Variants in AGBL4 observed in about 807,000 individuals in gnomAD.
AGBL4 encodes the protein cytosolic carboxypeptidase 6.
In AGBL4, 58 loss-of-function variants were observed where a neutral mutation model predicts 66.4. The observed-to-expected ratio is 0.87, with a 90% CI of 0.71 to 1.09. AGBL4 has a LOEUF of 1.09. Ranked by LOEUF, AGBL4 falls within the 50% of genes least tolerant of loss-of-function variation. The pLI is 0.00. For synonymous variants in AGBL4, 234 were observed against 222.9 expected (o/e 1.05, Z -0.44); for missense variants, 579 against 631.0 (o/e 0.92, Z 0.88).
At chr1:48,962,992 A>G (rs2148942639) in intron 5 of AGBL4, among the ~76,000 whole-genome samples, 1 of 149,704 alleles carries the variant, frequency 6.7e-6, no homozygotes, top group East Asian at 1.9e-4. Context: ...GGCTATCAAT[A>G]TTATTTTTAC....
At chr1:49,354,150 A>G (rs754593992) in intron 3 of AGBL4, among the ~76,000 whole-genome samples, 6 of 152,212 alleles carry the variant, frequency 3.9e-5, no homozygotes, top group Non-Finnish European at 7.3e-5. Context: ...GCTGGAGCCT[A>G]AAAGTGCTCA....
At chr1:49,407,479 A>T (rs1260852266) in intron 3 of AGBL4, among the ~76,000 whole-genome samples, 1 of 152,214 alleles carries the variant, frequency 6.6e-6, no homozygotes. Context: ...ACGTGAGCCA[A>T]TTCCTCATAA....
intron 5 of AGBL4, among the ~76,000 whole-genome samples, chr1:48,871,603 T>C (rs1405164523): frequency 6.6e-6 from 1 of 152,054 alleles, no homozygotes; most frequent in Non-Finnish European, 1.5e-5. Flanking sequence ...CTGATAAACA[T>C]GGTGCCCCAT....
At chr1:49,175,910 C>T (rs1479405104) in intron 4 of AGBL4, among the ~76,000 whole-genome samples, 12 of 149,320 alleles carry the variant, frequency 8.0e-5, no homozygotes, top group South Asian at 2.1e-4. Context: ...AGTGACAAGT[C>T]GTGGATACTG....
At chr1:49,033,841 T>A (rs10888643) in intron 5 of AGBL4, among the ~76,000 whole-genome samples, 1 of 148,498 alleles carries the variant, frequency 6.7e-6, no homozygotes, top group African/African-American at 2.5e-5. Context: ...TTTTTTTACT[T>A]CTCAGATTTT....
chr1:48,838,830 T>G, intron 6 of AGBL4, among the ~76,000 whole-genome samples: 1 of 151,920 alleles, frequency 6.6e-6, no homozygotes, highest in Non-Finnish European at 1.5e-5. Context: ...GGAACTCAAC[T>G]CAATAGCAAG....
At chr1:49,735,102 G>A (rs888794428) in intron 2 of AGBL4, among the ~76,000 whole-genome samples, 2 of 152,046 alleles carry the variant, frequency 1.3e-5, no homozygotes, top group Non-Finnish European at 2.9e-5. Context: ...CCATATTGTA[G>A]TAGGTAGAAT....
intron 3 of AGBL4, among the ~76,000 whole-genome samples, chr1:49,501,527 A>C (rs143555243): frequency 0.011 from 1,309 of 121,662 alleles, 19 homozygotes; most frequent in African/African-American, 0.031. Context: ...ATTTTATTTG[A>C]GTCTTCTCCC....
At chr1:49,356,535 T>C (rs1383884934) in intron 3 of AGBL4, among the ~76,000 whole-genome samples, 1 of 152,186 alleles carries the variant, frequency 6.6e-6, no homozygotes, top group Admixed American at 6.5e-5. Context: ...CATCTCAAAA[T>C]GTTGAAAAAT....
intron 1 of AGBL4, among the ~76,000 whole-genome samples, chr1:49,877,415 A>T (rs1438422604): frequency 6.6e-6 from 1 of 152,118 alleles, no homozygotes; most frequent in East Asian, 1.9e-4. Context: ...TATTGAGATA[A>T]TCATGTGGTT....
intron 3 of AGBL4, among the ~76,000 whole-genome samples, chr1:49,685,140 A>T (rs904538058): frequency 7.2e-5 from 11 of 152,178 alleles, no homozygotes; most frequent in African/African-American, 2.7e-4. Flanking sequence ...GCTCCCAATT[A>T]TAAGTGAGAA....
At chr1:49,825,683 A>G (rs777604139) in intron 2 of AGBL4, among the ~76,000 whole-genome samples, 2 of 152,204 alleles carry the variant, frequency 1.3e-5, no homozygotes, top group Non-Finnish European at 2.9e-5. Flanking sequence ...ACTTGAATAG[A>G]ACAAAAGACT....
At chr1:49,129,359 A>T (rs1175378543) in intron 4 of AGBL4, among the ~76,000 whole-genome samples, 1 of 151,808 alleles carries the variant, frequency 6.6e-6, no homozygotes, top group African/African-American at 2.4e-5. Flanking sequence ...CATGTGCACA[A>T]TGTGCAGGTT....
intron 2 of AGBL4, among the ~76,000 whole-genome samples, chr1:49,725,450 T>C (rs1397854476): frequency 6.6e-6 from 1 of 152,104 alleles, no homozygotes; most frequent in Non-Finnish European, 1.5e-5. Flanking sequence ...CTCAAGCTCA[T>C]AGGTTTGCAG....
At chr1:48,917,877 T>C (rs1653731556) in intron 5 of AGBL4, among the ~76,000 whole-genome samples, 1 of 152,126 alleles carries the variant, frequency 6.6e-6, no homozygotes, top group Non-Finnish European at 1.5e-5. Flanking sequence ...CTCCAGGGGA[T>C]GATTAAAAGG....
intron 1 of AGBL4, among the ~76,000 whole-genome samples, chr1:49,936,878 C>A (rs892447230): frequency 1.3e-5 from 2 of 152,156 alleles, no homozygotes; most frequent in African/African-American, 4.8e-5. Flanking sequence ...CCAGCCACTA[C>A]AAAATCATGC....
At chr1:48,944,052 C>T (rs1253032639) in intron 5 of AGBL4, among the ~76,000 whole-genome samples, 1 of 152,068 alleles carries the variant, frequency 6.6e-6, no homozygotes, top group Non-Finnish European at 1.5e-5. Context: ...TATGCCAGGC[C>T]CTGTGATAGT....
chr1:48,570,304 G>A (rs906773360), intron 11 of AGBL4, among the ~76,000 whole-genome samples: 2 of 152,230 alleles, frequency 1.3e-5, no homozygotes, highest in Non-Finnish European at 2.9e-5. Flanking sequence ...AAGGCAATGT[G>A]CACCACATTT....
At chr1:48,731,122 G>A (rs1469247143) in intron 6 of AGBL4, among the ~76,000 whole-genome samples, 1 of 152,068 alleles carries the variant, frequency 6.6e-6, no homozygotes, top group Non-Finnish European at 1.5e-5. Context: ...AACAAAATCA[G>A]ACAAAATAAA....
Sources: allele counts gnomAD v4.1 joint callset (sites outside exome capture counted in the v4.1 genomes callset), GRCh38; gene constraint gnomAD v4.1.1; transcripts MANE v1.5; gene names NCBI Gene and HGNC (gene_info 2026-07-23, HGNC 2026-07-21).